The following BATF variants were observed in gnomAD, a reference collection of about 807,000 sequenced individuals.
The protein encoded by BATF is basic leucine zipper ATF-like transcription factor.
In BATF, 5 loss-of-function variants were observed where a neutral mutation model predicts 13.7. The ratio of observed to expected loss-of-function variants is 0.36; its 90% confidence interval spans 0.19 to 0.77. BATF has a LOEUF of 0.77. Among genes scored for constraint, BATF ranks in the 30% least tolerant of loss-of-function variants. BATF has a pLI of 0.51. For missense variants in BATF, 124 were observed against 163.0 expected, an observed-to-expected ratio of 0.76 and a Z score of 1.30; for synonymous variants, 72 against 67.5, an observed-to-expected ratio of 1.07 and a Z score of -0.33.
At chr14:75,532,487 T>A (rs964175987) in intron 2 of BATF, among the ~76,000 whole-genome samples, 1 of 152,216 alleles carries the variant, frequency 6.6e-6, no homozygotes, top group Non-Finnish European at 1.5e-5. Context: ...GTATATCAAA[T>A]GATACAATAT....
intron 2 of BATF, among the ~76,000 whole-genome samples, chr14:75,530,061 CAAAA>C (rs56386431): frequency 9.1e-6 from 1 of 109,900 alleles, no homozygotes; most frequent in African/African-American, 3.7e-5. Context: ...GAGACTCCGT[CAAAA>C]AAAAAAAAAA....
intron 2 of BATF, among the ~76,000 whole-genome samples, chr14:75,534,667 C>G (rs1366424193): frequency 6.6e-6 from 1 of 152,206 alleles, no homozygotes; most frequent in Non-Finnish European, 1.5e-5. Flanking sequence ...CTTCATCAAG[C>G]TAATTGGCAA....
At chr14:75,536,562 CA>C (rs1008284778) in intron 2 of BATF, among the ~76,000 whole-genome samples, 1 of 151,056 alleles carries the variant, frequency 6.6e-6, no homozygotes, top group Admixed American at 6.6e-5. Context: ...CCCATCTCTA[CA>C]AAAAAAAATT....
intron 2 of BATF, among the ~76,000 whole-genome samples, chr14:75,535,726 T>C (rs1202111752): frequency 6.6e-6 from 1 of 152,084 alleles, no homozygotes; most frequent in Non-Finnish European, 1.5e-5. Flanking sequence ...GGAAAACAGG[T>C]GTCCCAGTAA....
rs535205212 is a variant in BATF, at chr14:75,533,312, C to G, written c.168+8124C>G. Reference sequence around the variant, plus strand: ...GCGTGGTGGCGGGCGCCTGTAGTCCCAGCTACTCGGGAGGATGAGGCAGGA... The same window carrying G: ...GCGTGGTGGCGGGCGCCTGTAGTCCGAGCTACTCGGGAGGATGAGGCAGGA... On this transcript the variant is annotated intron_variant, in intron 2 of 2. Transcript: ENST00000286639. 2.3e-4 allele frequency among the ~76,000 whole-genome samples: 35 copies of G among 151,768 alleles called. No individual in the cohort carries two copies. The East Asian group carries it at 6.8e-3, about 29-fold the overall frequency.
rs148646758 is a variant in BATF at position 75,545,776 on chromosome 14, A to T, written c.169-686A>T. Reference sequence around the variant, plus strand: ...TATTCCCGCCACCTCCCACCCACACACCCTCACAGAGACCCCTACATGCAT... The same window carrying T: ...TATTCCCGCCACCTCCCACCCACACTCCCTCACAGAGACCCCTACATGCAT... On this transcript the variant is annotated intron_variant, in intron 2 of 2. Coordinates refer to ENST00000286639, the MANE Select transcript of BATF (RefSeq NM_006399.5). Among the ~76,000 whole-genome samples, 85 of 151,550 alleles carry T rather than the reference A, an allele frequency of 5.6e-4. 1 individual carries two copies. In the East Asian group the frequency reaches 0.015, roughly 27 times the overall value.
intron 1 of BATF, among the ~76,000 whole-genome samples, chr14:75,522,951 C>A (rs564871329): frequency 6.6e-6 from 1 of 152,260 alleles, no homozygotes; most frequent in South Asian, 2.1e-4. Context: ...CTGCCAAAGC[C>A]CCTTTTTCTC....
At position 75,546,474 on chromosome 14, in the gene BATF, C is replaced by T; in HGVS notation, c.181C>T (p.Leu61=). The T allele has an allele frequency of 1.2e-6, 2 of 1,614,172 alleles. No individual in the cohort carries two copies. The highest frequency in any genetic ancestry group is 1.7e-6 in the Non-Finnish European group (2 of 1,180,024). The change falls in exon 3 of 3, where the codon CTG becomes TTG. Residue 61 remains leucine (L), a synonymous_variant. Transcript: ENST00000286639. ...ADTLHLESED[L]EKQNAALRKE... is the part of the protein sequence containing the mutation. ...CCCACCCCTACAGGAGAGCGAAGAC[C>T]TGGAGAAACAGAACGCGGCTCTACG...
chr14:75,527,161 C>T (rs1022229847), intron 2 of BATF, among the ~76,000 whole-genome samples: 3 of 152,118 alleles, frequency 2.0e-5, no homozygotes, highest in African/African-American at 7.2e-5. Context: ...AAGAGCCCAA[C>T]ACAATGCCTG....
chr14:75,533,037 A>C (rs953464776), intron 2 of BATF, among the ~76,000 whole-genome samples: 2 of 152,112 alleles, frequency 1.3e-5, no homozygotes, highest in Non-Finnish European at 2.9e-5. Context: ...GGCTATTTTC[A>C]TTTGGGGAGG....
At position 75,525,178 on chromosome 14, in the gene BATF, C is replaced by A. The variant is rs867226385; in HGVS notation, c.158C>A (p.Thr53Asn). The A allele has an allele frequency of 6.2e-7, 1 of 1,613,678 alleles. No homozygotes were observed. The highest frequency in any genetic ancestry group is 1.3e-5 in the African/African-American group (1 of 74,902). The change falls in exon 2 of 3, where the codon ACC becomes AAC. Residue 53 changes from threonine (T) to asparagine (N), a missense_variant. Physicochemically the swap from Thr to Asn is moderately conservative, Grantham distance 65. Coordinates refer to ENST00000286639, the MANE Select transcript of BATF (RefSeq NM_006399.5). ...CAGAGGCAGACACAGAAGGCCGACA[C>A]CCTGCACCTGGTAAGTGTTCAGATC... ...SRQRQTQKAD[T>N]LHLESEDLEK...
intron 2 of BATF, among the ~76,000 whole-genome samples, 157 bp downstream of exon 2, chr14:75,525,345 G>A (rs763003490): frequency 1.3e-5 from 2 of 151,964 alleles, no homozygotes; most frequent in African/African-American, 4.8e-5. Context: ...GTAGGGAAGG[G>A]AAGCTGTCGT....
chr14:75,528,551 A>G (rs1887685886), intron 2 of BATF, among the ~76,000 whole-genome samples: 1 of 152,216 alleles, frequency 6.6e-6, no homozygotes, highest in African/African-American at 2.4e-5. Context: ...TCCTTTCGTA[A>G]TTGTGACATC....
chr14:75,539,424 A>ATTTTTTTTTTTTTTTTTTTTTTTTTTT (rs1162218076), intron 2 of BATF, among the ~76,000 whole-genome samples: 1 of 58,544 alleles, frequency 1.7e-5, no homozygotes, highest in African/African-American at 7.1e-5. Flanking sequence ...GTAAGCTGGA[A>ATTTTTTTTTTTTTTTTTTTTTTTTTTT]TTTTTTTTTT....
At chr14:75,544,640 C>T (rs1887954881) in intron 2 of BATF, among the ~76,000 whole-genome samples, 2 of 151,704 alleles carry the variant, frequency 1.3e-5, no homozygotes, top group Admixed American at 6.6e-5. Flanking sequence ...ATTCACATTC[C>T]TAGATTTTAG....
At chr14:75,523,900 G>A (rs1460693678) in intron 1 of BATF, among the ~76,000 whole-genome samples, 3 of 152,152 alleles carry the variant, frequency 2.0e-5, no homozygotes, top group African/African-American at 7.2e-5. Context: ...TGACTGCCTG[G>A]AAGTTTGTAC....
chr14:75,536,401 C>T (rs1427027828), intron 2 of BATF, among the ~76,000 whole-genome samples: 1 of 151,992 alleles, frequency 6.6e-6, no homozygotes, highest in African/African-American at 2.4e-5. Flanking sequence ...AGTTCAAGAC[C>T]ATAAGGGAGT....
At chr14:75,528,747 A>T (rs1887688703) in intron 2 of BATF, among the ~76,000 whole-genome samples, 1 of 151,118 alleles carries the variant, frequency 6.6e-6, no homozygotes, top group Admixed American at 6.5e-5. Flanking sequence ...ATAGCTAATA[A>T]GTGGACCTAA....
At chr14:75,524,003 T>C (rs149539301) in intron 1 of BATF, among the ~76,000 whole-genome samples, 8 of 152,274 alleles carry the variant, frequency 5.3e-5, no homozygotes, top group African/African-American at 1.9e-4. Context: ...TCTATGCCAA[T>C]GACCTCCTAC....
Sources: allele counts gnomAD v4.1 joint callset (sites outside exome capture counted in the v4.1 genomes callset), GRCh38; gene constraint gnomAD v4.1.1; transcripts MANE v1.5; gene names NCBI Gene and HGNC (gene_info 2026-07-23, HGNC 2026-07-21).